Variants in ATG7 observed in about 807,000 individuals in gnomAD.
ATG7 encodes the protein autophagy related 7, also known as ubiquitin-like modifier-activating enzyme ATG7.
ATG7 carries 70 observed loss-of-function variants against 82.4 expected under a neutral mutation model. That is an observed-to-expected ratio of 0.85 (90% confidence interval 0.70 to 1.04). ATG7 has a LOEUF of 1.04. Ranked by LOEUF, ATG7 falls within the 50% of genes least tolerant of loss-of-function variation. ATG7 has a pLI of 0.00. For missense variants in ATG7, 792 were observed against 864.3 expected (o/e 0.92, Z 1.05); for synonymous variants, 287 against 313.0 (o/e 0.92, Z 0.88).
At chr3:11,398,628 G>A (rs2079530996) in intron 19 of ATG7, among the ~76,000 whole-genome samples, 1 of 152,202 alleles carries the variant, frequency 6.6e-6, no homozygotes, top group African/African-American at 2.4e-5. Context: ...CAAGGCAGGA[G>A]GATGGCTTGA....
At chr3:11,348,942 T>C (rs1407492239) in intron 14 of ATG7, among the ~76,000 whole-genome samples, 1 of 152,166 alleles carries the variant, frequency 6.6e-6, no homozygotes, top group Non-Finnish European at 1.5e-5. Flanking sequence ...TGCTGATTGG[T>C]GCGTTTACAA....
At chr3:11,475,063 G>A (rs1401370889) in intron 20 of ATG7, among the ~76,000 whole-genome samples, 1 of 151,932 alleles carries the variant, frequency 6.6e-6, no homozygotes, top group Admixed American at 6.6e-5. Flanking sequence ...GCCACTGTGT[G>A]GGGAATGGAT....
chr3:11,474,762 G>T (rs528087133), intron 20 of ATG7, among the ~76,000 whole-genome samples: 25 of 152,298 alleles, frequency 1.6e-4, no homozygotes, highest in African/African-American at 5.8e-4. Context: ...TGCAAAGAAA[G>T]GAGCCAGACA....
intron 19 of ATG7, among the ~76,000 whole-genome samples, chr3:11,415,908 G>A (rs996091273): frequency 6.6e-6 from 1 of 151,924 alleles, no homozygotes; most frequent in Non-Finnish European, 1.5e-5. Flanking sequence ...TTTATGCTAC[G>A]GGCAGCACAG....
At chr3:11,308,094 G>A (rs565381718) in intron 6 of ATG7, among the ~76,000 whole-genome samples, 10 of 152,270 alleles carry the variant, frequency 6.6e-5, no homozygotes, top group South Asian at 4.1e-4. Context: ...ATGCCCCCTC[G>A]GCTTACCGGA....
intron 5 of ATG7, among the ~76,000 whole-genome samples, chr3:11,302,463 AATTT>A (rs1355143931): frequency 6.6e-6 from 1 of 152,106 alleles, no homozygotes; most frequent in East Asian, 1.9e-4. Flanking sequence ...AGTCTTTATG[AATTT>A]ATTTATCAAA....
chr3:11,408,716 C>G, intron 19 of ATG7, among the ~76,000 whole-genome samples: 1 of 152,186 alleles, frequency 6.6e-6, no homozygotes, highest in East Asian at 1.9e-4. Flanking sequence ...ACTGCCATAT[C>G]TTGTGTGACC....
chr3:11,510,966 C>T (rs552988517), intron 20 of ATG7, among the ~76,000 whole-genome samples: 18 of 152,030 alleles, frequency 1.2e-4, no homozygotes, highest in African/African-American at 3.1e-4. Context: ...TAAGGTGGCG[C>T]GTCTGGAGTC....
At chr3:11,408,498 G>C (rs954413601) in intron 19 of ATG7, among the ~76,000 whole-genome samples, 4 of 152,114 alleles carry the variant, frequency 2.6e-5, no homozygotes, top group Non-Finnish European at 5.9e-5. Context: ...CCTGGTACCA[G>C]ATTACTGGAT....
chr3:11,336,223 C>T (rs528864473), intron 11 of ATG7, among the ~76,000 whole-genome samples: 14 of 151,516 alleles, frequency 9.2e-5, no homozygotes, highest in African/African-American at 2.4e-4. Context: ...TTAGTAGAGA[C>T]GGGGTTTCAC....
chr3:11,429,308 C>T (rs2082647993), intron 20 of ATG7, among the ~76,000 whole-genome samples: 1 of 151,976 alleles, frequency 6.6e-6, no homozygotes, highest in African/African-American at 2.4e-5. Flanking sequence ...CCAGCCTGGC[C>T]AACATGGTGA....
At chr3:11,293,735 C>T (rs894950689) in intron 3 of ATG7, among the ~76,000 whole-genome samples, 1 of 151,724 alleles carries the variant, frequency 6.6e-6, no homozygotes. Flanking sequence ...CCTGTAATCC[C>T]AGCTACTTGG....
At chr3:11,551,370 C>T (rs2071764251) in intron 20 of ATG7, among the ~76,000 whole-genome samples, 1 of 152,220 alleles carries the variant, frequency 6.6e-6, no homozygotes, top group Non-Finnish European at 1.5e-5. Flanking sequence ...AAAATTGAGA[C>T]TTTGTTAATG....
intron 20 of ATG7, among the ~76,000 whole-genome samples, chr3:11,542,400 G>A (rs965381139): frequency 1.1e-4 from 16 of 152,234 alleles, no homozygotes; most frequent in Non-Finnish European, 1.5e-5. Flanking sequence ...GAATTCCAGA[G>A]TCTTCTGCCG....
intron 20 of ATG7, among the ~76,000 whole-genome samples, chr3:11,489,862 T>A (rs2090163908): frequency 2.0e-5 from 3 of 152,186 alleles, no homozygotes; most frequent in African/African-American, 7.2e-5. Flanking sequence ...TAATTTCTGA[T>A]CTTTTACATT....
chr3:11,413,927 T>C (rs2081144020), intron 19 of ATG7, among the ~76,000 whole-genome samples: 1 of 152,242 alleles, frequency 6.6e-6, no homozygotes, highest in South Asian at 2.1e-4. Flanking sequence ...TATTCAGATT[T>C]TCCATTTCCT....
intron 13 of ATG7, among the ~76,000 whole-genome samples, chr3:11,344,855 C>G (rs2256773): frequency 0.52 from 79,436 of 151,976 alleles, 21,828 homozygotes; most frequent in Non-Finnish European, 0.63. Flanking sequence ...CGTGATAAAG[C>G]AAGACACTGT....
At position 11,557,324 on chromosome 3, in the gene ATG7, A is replaced by G. The variant is rs1247959862; in HGVS notation, c.*2481A>G. 6.8e-6 allele frequency: 1 copy of G among 147,048 alleles called. No individual in the cohort carries two copies. The highest frequency in any genetic ancestry group is 6.6e-5 in the Admixed American group (1 of 15,166). The allele number at this position is 147,048 out of a possible 1,614,324, so 9.1% of individuals were successfully genotyped here. On this transcript the variant is annotated 3_prime_UTR_variant, in exon 21 of 21. Transcript: ENST00000693202. ...CGTACGAGGAAGCGTATAAAACACC[A>G]TATCACAGATTGTCTGTCAGTAATC... is the stretch of plus-strand genomic sequence containing the variant.
At chr3:11,516,039 A>AC (rs2092269761) in intron 20 of ATG7, among the ~76,000 whole-genome samples, 1 of 151,858 alleles carries the variant, frequency 6.6e-6, no homozygotes, top group African/African-American at 2.4e-5. Context: ...TTTAAAAAAA[A>AC]AAAAAAACAA....
Sources: gnomAD v4.1 joint callset for allele counts (sites outside exome capture counted in the v4.1 genomes callset) on GRCh38, gnomAD v4.1.1 for gene constraint, MANE v1.5 for transcripts, NCBI Gene and HGNC (gene_info 2026-07-23, HGNC 2026-07-21) for gene names.